The following USP14 variants were observed in gnomAD, a reference collection of about 807,000 sequenced individuals.
USP14 encodes the protein ubiquitin specific peptidase 14, also known as ubiquitin carboxyl-terminal hydrolase 14.
USP14 carries 38 observed loss-of-function variants against 76.5 expected under a neutral mutation model. That is an observed-to-expected ratio of 0.50 (90% confidence interval 0.38 to 0.65). The LOEUF is 0.65. Among genes scored for constraint, USP14 ranks in the 30% least tolerant of loss-of-function variants. USP14 has a pLI of 0.00. For missense variants in USP14, 467 were observed against 586.5 expected (o/e 0.80, Z 2.10); for synonymous variants, 192 against 191.7 (o/e 1.00, Z -0.01).
rs1910740006 is a variant in USP14, at chr18:213,581, A to C, written c.*2297A>C. 6.6e-6 allele frequency: 1 copy of C among 152,482 alleles called. No homozygotes were observed. Among genetic ancestry groups the C allele is most frequent in the Non-Finnish European group, 1.5e-5 (1 of 68,036 alleles). 9.4% of individuals were successfully genotyped at this position (152,482 alleles called of 1,614,324 possible). The stretch of plus-strand genomic sequence containing the variant: ...ATGCTGTGCCACTCACACCGAGGCC[A>C]TCATCTCAACATTAGAGTTGTGCTA... On this transcript the variant is annotated 3_prime_UTR_variant, in exon 16 of 16. Coordinates refer to ENST00000261601, the MANE Select transcript of USP14 (RefSeq NM_005151.4).
At chr18:176,904 G>A in intron 3 of USP14, among the ~76,000 whole-genome samples, 1 of 151,836 alleles carries the variant, frequency 6.6e-6, no homozygotes, top group Non-Finnish European at 1.5e-5. Context: ...TTTTTTAAGG[G>A]CATTGTTTTA....
chr18:182,846 T>G lies in USP14; in HGVS notation c.404+2507T>G, dbSNP rs187989236. Among the ~76,000 whole-genome samples the G allele has an allele frequency of 2.6e-5, 4 of 152,278 alleles. No homozygotes were observed. In the East Asian group the frequency reaches 7.7e-4, roughly 29 times the overall value. On this transcript the variant is annotated intron_variant, in intron 5 of 15. Transcript: ENST00000261601. ...AGGCAGGAGACTGCAACATACTCAG[T>G]GCAACTGCCTGGAGAAGGATGGATG...
At chr18:164,353 T>G (rs748228969) in intron 2 of USP14, among the ~76,000 whole-genome samples, 10 of 152,064 alleles carry the variant, frequency 6.6e-5, no homozygotes, top group Non-Finnish European at 1.2e-4. Flanking sequence ...ATGTTGAAAT[T>G]CAAAGCACTT....
intron 5 of USP14, among the ~76,000 whole-genome samples, chr18:184,340 G>A (rs1567830472): frequency 6.6e-6 from 1 of 152,102 alleles, no homozygotes; most frequent in Non-Finnish European, 1.5e-5. Flanking sequence ...GGCACTAACT[G>A]ATAAAACAAG....
intron 5 of USP14, among the ~76,000 whole-genome samples, chr18:186,808 CAT>C (rs907342977): frequency 2.0e-4 from 31 of 152,032 alleles, no homozygotes; most frequent in African/African-American, 5.3e-4. Context: ...TTTCTTTAAA[CAT>C]ATGTGTAGCA....
chr18:176,871 T>G (rs949450953), intron 3 of USP14, among the ~76,000 whole-genome samples: 1 of 152,116 alleles, frequency 6.6e-6, no homozygotes, highest in African/African-American at 2.4e-5. Context: ...TATTTTTCAT[T>G]GTATAATCCC....
Position 163,294 on chromosome 18 carries a change from G to T in USP14, c.17-14G>T. The T allele has an allele frequency of 6.3e-7, 1 of 1,586,982 alleles. No individual in the cohort carries two copies. The highest frequency in any genetic ancestry group is 1.2e-5 in the South Asian group (1 of 86,938). On this transcript the variant is annotated splice_polypyrimidine_tract_variant and intron_variant, in intron 1 of 15. Transcript: ENST00000261601. ...GTTATTTTTTAATTAAAAAAATTGT[G>T]ATTTTGTTTGCAGTTACTGTAAAAT...
chr18:169,852 G>T (rs557325085), intron 3 of USP14, among the ~76,000 whole-genome samples: 3 of 152,148 alleles, frequency 2.0e-5, no homozygotes, highest in Non-Finnish European at 4.4e-5. Context: ...TGTTACTTTT[G>T]TAATTGTTTT....
At chr18:175,262 T>G (rs547115446) in intron 3 of USP14, among the ~76,000 whole-genome samples, 1 of 152,294 alleles carries the variant, frequency 6.6e-6, no homozygotes, top group Admixed American at 6.5e-5. Flanking sequence ...GCATTTTGTT[T>G]CTCTTTTTTT....
Position 158,633 on chromosome 18 carries a change from C to G in USP14, c.-66C>G. ...GCCGCCGCCGCAGCTGCTCCTGGTC[C>G]CCGTCCCTTTGCCGCCCTCGTCAGG... On this transcript the variant is annotated 5_prime_UTR_variant, in exon 1 of 16. Coordinates refer to ENST00000261601, the MANE Select transcript of USP14 (RefSeq NM_005151.4). The G allele has an allele frequency of 1.3e-6, 2 of 1,497,316 alleles. No homozygotes were observed. Among genetic ancestry groups the G allele is most frequent in the Non-Finnish European group, 1.8e-6 (2 of 1,123,304 alleles). 92.8% of individuals were successfully genotyped at this position (1,497,316 alleles called of 1,614,324 possible). A position where few individuals can be genotyped will look rare whatever the true frequency, so the allele number is the denominator to read the frequency against.
intron 5 of USP14, 67 bp downstream of exon 5, chr18:180,406 C>A: frequency 1.1e-6 from 1 of 921,030 alleles, no homozygotes; most frequent in Non-Finnish European, 1.7e-6. Flanking sequence ...TTTTGTTTTG[C>A]TTTCTTTAGC....
chr18:168,765 C>T (rs921209712), intron 3 of USP14, among the ~76,000 whole-genome samples: 9 of 151,682 alleles, frequency 5.9e-5, no homozygotes, highest in African/African-American at 2.2e-4. Context: ...ACTTCTAATA[C>T]AGTGTTAATA....
Position 202,904 on chromosome 18 carries a change from C to G in USP14, c.901C>G (p.Gln301Glu). 6.2e-6 allele frequency: 10 copies of G among 1,614,128 alleles called. No individual in the cohort carries two copies. The highest frequency in any genetic ancestry group is 8.5e-6 in the Non-Finnish European group (10 of 1,179,988). ...GCGACTTCAGGAAGAAATCACCAAA[C>G]AGTCTCCAACGTTGCAAAGAAATGC... ...KLRLQEEITK[Q>E]SPTLQRNALY... Residue 301 changes from glutamine to glutamate, a missense_variant, in exon 11 of 16, where the codon CAG becomes GAG. Coordinates refer to ENST00000261601, the MANE Select transcript of USP14 (RefSeq NM_005151.4).
intron 1 of USP14, among the ~76,000 whole-genome samples, chr18:161,366 T>C (rs917590334): frequency 2.0e-5 from 3 of 152,250 alleles, no homozygotes; most frequent in Non-Finnish European, 2.9e-5. Context: ...CTTTATGCTG[T>C]GGAATGTTTT....
intron 4 of USP14, among the ~76,000 whole-genome samples, 151 bp from the exon 5 acceptor site, chr18:180,083 CTG>C (rs71935241): frequency 0.15 from 23,192 of 151,886 alleles, 2,082 homozygotes; most frequent in Admixed American, 0.2. Context: ...GGAAATAAAA[CTG>C]TTTCTTTAGC....
intron 1 of USP14, 136 bp from the exon 2 acceptor site, chr18:163,172 T>G (rs1293796220): frequency 1.4e-6 from 1 of 692,214 alleles, no homozygotes; most frequent in Non-Finnish European, 2.3e-6. Flanking sequence ...TCCTCTTGAT[T>G]AGGTAAGTGT....
intron 2 of USP14, among the ~76,000 whole-genome samples, chr18:165,372 A>G (rs1909240749): frequency 6.6e-6 from 1 of 152,214 alleles, no homozygotes. Context: ...GCAGTAAAAC[A>G]CACGTTGGAG....
At chr18:173,307 T>G (rs1224636143) in intron 3 of USP14, among the ~76,000 whole-genome samples, 1 of 151,500 alleles carries the variant, frequency 6.6e-6, no homozygotes, top group African/African-American at 2.4e-5. Context: ...GAGACGGGGT[T>G]TCACCATGTT....
intron 3 of USP14, among the ~76,000 whole-genome samples, chr18:171,042 A>AT: frequency 7.2e-6 from 1 of 139,188 alleles, no homozygotes; most frequent in South Asian, 2.4e-4. Context: ...ATATATATAT[A>AT]TATATATATA....
Sources: allele counts gnomAD v4.1 joint callset (sites outside exome capture counted in the v4.1 genomes callset), GRCh38; gene constraint gnomAD v4.1.1; transcripts MANE v1.5; gene names NCBI Gene and HGNC (gene_info 2026-07-23, HGNC 2026-07-21).